The following SEMA3E variants were observed in gnomAD, a reference collection of about 807,000 sequenced individuals.
SEMA3E encodes semaphorin-3E.
Under a neutral mutation model 93.6 loss-of-function variants are expected in SEMA3E, and 49 were observed. That is an observed-to-expected ratio of 0.52 (90% CI 0.42 to 0.66). The LOEUF is 0.66. Ranked by LOEUF, SEMA3E falls within the 30% of genes least tolerant of loss-of-function variation. The pLI is 0.00. For missense variants in SEMA3E, 906 were observed against 964.8 expected (o/e 0.94, Z 0.81); for synonymous variants, 363 against 330.7 (o/e 1.10, Z -1.06).
In SEMA3E at chr7:83,364,778, T is replaced by C. The variant is rs984590206; in HGVS notation, c.*2808A>G. On this transcript the variant is annotated 3_prime_UTR_variant, in exon 17 of 17. Transcript: ENST00000643230. ...ATGGAGGTGCCTCTTAGAAATTAGATGAGTGGTTATGATTTTTGCTCAATG... is the reference window on the plus strand; with the variant it reads ...ATGGAGGTGCCTCTTAGAAATTAGACGAGTGGTTATGATTTTTGCTCAATG... 1 of 152,172 alleles carries C rather than the reference T, an allele frequency of 6.6e-6. No individual in the cohort carries two copies. The highest frequency in any genetic ancestry group is 1.5e-5 in the Non-Finnish European group (1 of 68,026). 9.4% of individuals were successfully genotyped at this position (152,172 alleles called of 1,614,324 possible).
intron 1 of SEMA3E, among the ~76,000 whole-genome samples, chr7:83,512,061 C>A (rs150549815): frequency 1.3e-5 from 2 of 151,636 alleles, no homozygotes; most frequent in Admixed American, 6.6e-5. Context: ...TTTTTTTACC[C>A]CAAAGAAATA....
At chr7:83,627,628 C>CTTTTTTTTTTTTTTTTTTTTTTT (rs746550123) in intron 1 of SEMA3E, among the ~76,000 whole-genome samples, 1 of 65,348 alleles carries the variant, frequency 1.5e-5, no homozygotes, top group Non-Finnish European at 2.6e-5. Flanking sequence ...GCAACCCCTG[C>CTTTTTTTTTTTTTTTTTTTTTTT]TTTTTTTTTT....
At chr7:83,514,359 C>G (rs575155406) in intron 1 of SEMA3E, among the ~76,000 whole-genome samples, 2 of 152,004 alleles carry the variant, frequency 1.3e-5, no homozygotes, top group South Asian at 2.1e-4. Flanking sequence ...TTTTTTCTTG[C>G]GTGAGATCCA....
chr7:83,495,903 T>C (rs1025752506), intron 1 of SEMA3E, among the ~76,000 whole-genome samples: 1 of 151,908 alleles, frequency 6.6e-6, no homozygotes, highest in Non-Finnish European at 1.5e-5. Flanking sequence ...TGAAATTATA[T>C]AAGTAAAAGG....
At chr7:83,406,160 T>C in intron 7 of SEMA3E, 101 bp from the exon 8 acceptor site, 2 of 849,678 alleles carry the variant, frequency 2.4e-6, no homozygotes, top group South Asian at 1.4e-5. Context: ...TATGACTTTT[T>C]TATTTAACTA....
intron 1 of SEMA3E, among the ~76,000 whole-genome samples, chr7:83,568,170 T>C (rs1353000526): frequency 1.3e-5 from 2 of 152,062 alleles, no homozygotes; most frequent in African/African-American, 4.8e-5. Flanking sequence ...TCTACCAAGA[T>C]TGAATCAGGA....
Position 83,392,588 on chromosome 7 carries a change from G to C in SEMA3E, c.1634C>G (p.Ser545Cys), listed in dbSNP as rs2115581776. 1 of 1,613,742 alleles carries C rather than the reference G, an allele frequency of 6.2e-7. No individual in the cohort carries two copies. Among genetic ancestry groups the C allele is most frequent in the Middle Eastern group, 1.7e-4 (1 of 6,060 alleles). ...PYCAWDGISC[S>C]RYYPTGTHAK... ...ATGTGTGCCTGTTGGGTAATACCGG[G>C]AGCAGGATATGCCATCCCAGGCACA... The change falls in exon 14 of 17, where the codon TCC becomes TGC. Residue 545 changes from serine to cysteine, a missense_variant. Coordinates refer to ENST00000643230, the MANE Select transcript of SEMA3E (RefSeq NM_012431.3).
intron 4 of SEMA3E, among the ~76,000 whole-genome samples, chr7:83,463,423 C>T (rs1462392340): frequency 3.3e-5 from 5 of 151,668 alleles, no homozygotes; most frequent in South Asian, 2.1e-4. Context: ...TCATACCTGA[C>T]GCATATACTT....
rs567860720 is a variant in SEMA3E at position 83,461,766 on chromosome 7, C to T, written c.456+4716G>A. ...AAATTCCGGCCCTCAAACCCCACAA[C>T]AGGATTTAATTAACCTCGCCTTCAA... On this transcript the variant is annotated intron_variant, in intron 4 of 16. Transcript: ENST00000643230. 6.7e-3 allele frequency among the ~76,000 whole-genome samples: 1,025 copies of T among 152,296 alleles called. 5 individuals carry two copies. The highest frequency in any genetic ancestry group is 0.012 in the Non-Finnish European group (787 of 68,028).
chr7:83,457,090 C>G (rs2115841588), intron 4 of SEMA3E, among the ~76,000 whole-genome samples: 1 of 152,190 alleles, frequency 6.6e-6, no homozygotes, highest in Non-Finnish European at 1.5e-5. Context: ...ACCTGATTTG[C>G]CTTATATCCA....
At chr7:83,541,086 C>T (rs1791521679) in intron 1 of SEMA3E, among the ~76,000 whole-genome samples, 1 of 152,168 alleles carries the variant, frequency 6.6e-6, no homozygotes, top group African/African-American at 2.4e-5. Context: ...TAAACAATGA[C>T]TGTGATCAAG....
intron 1 of SEMA3E, among the ~76,000 whole-genome samples, chr7:83,512,151 C>T (rs1790838833): frequency 6.6e-6 from 1 of 152,172 alleles, no homozygotes; most frequent in Non-Finnish European, 1.5e-5. Flanking sequence ...TTTTATTTCA[C>T]TGAAAAGGTA....
At chr7:83,543,919 C>T (rs775256663) in intron 1 of SEMA3E, among the ~76,000 whole-genome samples, 7 of 152,034 alleles carry the variant, frequency 4.6e-5, no homozygotes, top group East Asian at 3.8e-4. Context: ...TTTACCTTAA[C>T]GTTTAATCTT....
At chr7:83,391,451 T>C (rs2115576456) in intron 14 of SEMA3E, among the ~76,000 whole-genome samples, 1 of 152,262 alleles carries the variant, frequency 6.6e-6, no homozygotes, top group South Asian at 2.1e-4. Context: ...TTCAAATAAT[T>C]ATGTGACTAT....
chr7:83,608,216 A>G (rs1190993666), intron 1 of SEMA3E, among the ~76,000 whole-genome samples: 1 of 152,078 alleles, frequency 6.6e-6, no homozygotes, highest in Non-Finnish European at 1.5e-5. Flanking sequence ...CAGTCTCAAA[A>G]AAAAGAAAAA....
intron 1 of SEMA3E, among the ~76,000 whole-genome samples, chr7:83,506,471 A>C (rs184978163): frequency 2.0e-4 from 30 of 152,178 alleles, no homozygotes; most frequent in East Asian, 1.9e-3. Context: ...TGGAAAAGGG[A>C]ATCGGGGGCT....
chr7:83,397,701 A>G (rs1788152791), intron 11 of SEMA3E, among the ~76,000 whole-genome samples: 1 of 152,174 alleles, frequency 6.6e-6, no homozygotes, highest in Admixed American at 6.6e-5. Flanking sequence ...TGCCTATACA[A>G]ATAATTTAGT....
intron 1 of SEMA3E, among the ~76,000 whole-genome samples, chr7:83,578,372 C>T (rs917602131): frequency 6.6e-6 from 1 of 152,086 alleles, no homozygotes; most frequent in African/African-American, 2.4e-5. Flanking sequence ...GCCTGGCTAA[C>T]ATGGCGAAAC....
intron 16 of SEMA3E, among the ~76,000 whole-genome samples, chr7:83,383,887 C>G (rs1220892839): frequency 6.6e-6 from 1 of 151,950 alleles, no homozygotes; most frequent in African/African-American, 2.4e-5. Context: ...TTATCAGGTC[C>G]TTTTCTGCCA....
Sources: gnomAD v4.1 joint callset for allele counts (sites outside exome capture counted in the v4.1 genomes callset) on GRCh38, gnomAD v4.1.1 for gene constraint, MANE v1.5 for transcripts, NCBI Gene and HGNC (gene_info 2026-07-23, HGNC 2026-07-21) for gene names.